Variants in KCNIP1 observed in about 807,000 individuals in gnomAD.
KCNIP1 encodes the protein A-type potassium channel modulatory protein KCNIP1.
In KCNIP1, 18 loss-of-function variants were observed where a neutral mutation model predicts 33.0. The observed-to-expected ratio is 0.55, with a 90% CI of 0.38 to 0.81. The LOEUF is 0.81. Among genes scored for constraint, KCNIP1 ranks in the 30% least tolerant of loss-of-function variants. The probability of loss-of-function intolerance (pLI) is 0.00; values close to 1 mark genes in which losing one functional copy is unlikely to be tolerated. For synonymous variants in KCNIP1, 93 were observed against 98.3 expected, an observed-to-expected ratio of 0.95 and a Z score of 0.32; for missense variants, 238 against 271.6, an observed-to-expected ratio of 0.88 and a Z score of 0.87.
At chr5:170,486,990 T>C (rs1274102485) in intron 1 of KCNIP1, among the ~76,000 whole-genome samples, 3 of 152,224 alleles carry the variant, frequency 2.0e-5, no homozygotes, top group Non-Finnish European at 1.5e-5. Flanking sequence ...AGGATGTGTG[T>C]GTATATATAT....
In KCNIP1 at chr5:170,504,541, G is replaced by A. The variant is rs778585848; in HGVS notation, c.-32G>A. 1.9e-6 allele frequency: 3 copies of A among 1,612,072 alleles called. No homozygotes were observed. The Admixed American group carries it at 5.0e-5, about 27-fold the overall frequency. ...CAGGGTAGGGGAGGGGCCGGGCCCGGGGTCCCAACTCGCACTCAAGTCTTC... is the reference window on the plus strand; with the variant it reads ...CAGGGTAGGGGAGGGGCCGGGCCCGAGGTCCCAACTCGCACTCAAGTCTTC... On this transcript the variant is annotated 5_prime_UTR_variant, in exon 1 of 8. Coordinates refer to ENST00000328939, the MANE Select transcript of KCNIP1 (RefSeq NM_014592.4). The surrounding 1 kb of genome is among the most constrained non-coding windows in gnomAD (Gnocchi z 6.0).
At chr5:170,379,893 A>T (rs1191117815) in intron 1 of KCNIP1, among the ~76,000 whole-genome samples, 1 of 152,014 alleles carries the variant, frequency 6.6e-6, no homozygotes, top group Non-Finnish European at 1.5e-5. Flanking sequence ...TGGAGGCTGC[A>T]GTGAGCTATG....
chr5:170,471,112 C>T (rs1756713398), intron 1 of KCNIP1, among the ~76,000 whole-genome samples: 1 of 152,202 alleles, frequency 6.6e-6, no homozygotes. Flanking sequence ...TCAAGGCTTG[C>T]TACGTGCCTG....
At chr5:170,501,970 G>A (rs975058652), upstream of KCNIP1, among the ~76,000 whole-genome samples, 7 of 152,212 alleles carry the variant, frequency 4.6e-5, no homozygotes, top group African/African-American at 1.7e-4. Context: ...TGGCAGTTAG[G>A]AGAGCAGAGG....
At chr5:170,567,524 TG>T (rs1455172884) in intron 1 of KCNIP1, among the ~76,000 whole-genome samples, 1 of 151,658 alleles carries the variant, frequency 6.6e-6, no homozygotes, top group Non-Finnish European at 1.5e-5. Context: ...AGTCCAGAGG[TG>T]GAAAAAAGCT....
intron 1 of KCNIP1, among the ~76,000 whole-genome samples, chr5:170,487,114 A>G (rs114870325): frequency 0.01 from 1,587 of 152,280 alleles, 27 homozygotes; most frequent in African/African-American, 0.036. Context: ...GGGGCTGGCA[A>G]ATTCAAAATC....
intron 1 of KCNIP1, among the ~76,000 whole-genome samples, chr5:170,595,185 T>TGGG (rs1758401630): frequency 6.6e-6 from 1 of 151,422 alleles, no homozygotes; most frequent in Admixed American, 6.6e-5. Context: ...GGTTGGGGAC[T>TGGG]GGGGGTGAGG....
chr5:170,406,396 G>T (rs1327289744), intron 1 of KCNIP1, among the ~76,000 whole-genome samples: 3 of 152,196 alleles, frequency 2.0e-5, no homozygotes, highest in Admixed American at 6.5e-5. Context: ...CCCATTATTG[G>T]TCGTGTAAAT....
chr5:170,470,293 C>T (rs756699508), intron 1 of KCNIP1, among the ~76,000 whole-genome samples: 10 of 152,104 alleles, frequency 6.6e-5, no homozygotes, highest in Admixed American at 6.5e-5. Flanking sequence ...CCCACATTAG[C>T]CACTCTGGGC....
chr5:170,386,168 G>C (rs1312256505), intron 1 of KCNIP1, among the ~76,000 whole-genome samples: 1 of 152,054 alleles, frequency 6.6e-6, no homozygotes, highest in African/African-American at 2.4e-5. Flanking sequence ...TCTTGAAATG[G>C]GGAGACAATA....
chr5:170,646,122 G>A (rs1156259305), intron 1 of KCNIP1, among the ~76,000 whole-genome samples: 1 of 152,158 alleles, frequency 6.6e-6, no homozygotes, highest in Non-Finnish European at 1.5e-5. Context: ...GAAACAGAAA[G>A]CACCAGGCTC....
chr5:170,415,715 C>T (rs1755310462), intron 1 of KCNIP1, among the ~76,000 whole-genome samples: 1 of 152,220 alleles, frequency 6.6e-6, no homozygotes, highest in East Asian at 1.9e-4. Context: ...CCCCTCTCCC[C>T]TGGGCTATGA....
Position 170,606,182 on chromosome 5 carries a change from T to C in KCNIP1, c.61+101549T>C, listed in dbSNP as rs77035053. ...TTTGGATTGTCTCACATTTTGACCATTGTGAATCATGCTGCTATAAATATT... is the reference window on the plus strand; with the variant it reads ...TTTGGATTGTCTCACATTTTGACCACTGTGAATCATGCTGCTATAAATATT... On this transcript the variant is annotated intron_variant, in intron 1 of 7. Coordinates refer to ENST00000328939, the MANE Select transcript of KCNIP1 (RefSeq NM_014592.4). 1.1e-3 allele frequency among the ~76,000 whole-genome samples: 168 copies of C among 152,340 alleles called. 3 individuals are homozygous for C. The East Asian group carries it at 0.02, about 19-fold the overall frequency.
At chr5:170,433,109 A>C (rs1183834813) in intron 1 of KCNIP1, among the ~76,000 whole-genome samples, 2 of 152,228 alleles carry the variant, frequency 1.3e-5, no homozygotes, top group Non-Finnish European at 2.9e-5. Flanking sequence ...ACACAAAGAA[A>C]GTATCGTGAC....
intron 1 of KCNIP1, among the ~76,000 whole-genome samples, chr5:170,493,157 T>C (rs1328742717): frequency 6.6e-6 from 1 of 152,108 alleles, no homozygotes; most frequent in Non-Finnish European, 1.5e-5. Context: ...GGTAGAAAGT[T>C]TTGTTTACTA....
chr5:170,714,098 A>T (rs1165323483), intron 1 of KCNIP1, among the ~76,000 whole-genome samples: 1 of 151,992 alleles, frequency 6.6e-6, no homozygotes, highest in Non-Finnish European at 1.5e-5. Flanking sequence ...ACTATTGGCC[A>T]GTCCAGGGAG....
At chr5:170,438,986 G>A (rs181963400) in intron 1 of KCNIP1, among the ~76,000 whole-genome samples, 1 of 152,278 alleles carries the variant, frequency 6.6e-6, no homozygotes, top group African/African-American at 2.4e-5. Flanking sequence ...CCTGGCTTCT[G>A]TGTGTTTTTG....
At chr5:170,380,502 C>A (rs1764196993) in intron 1 of KCNIP1, among the ~76,000 whole-genome samples, 1 of 152,252 alleles carries the variant, frequency 6.6e-6, no homozygotes, top group Admixed American at 6.5e-5. Context: ...AAGCTGCCTG[C>A]CCTGAGGGCA....
chr5:170,411,927 A>G (rs751267825), intron 1 of KCNIP1, among the ~76,000 whole-genome samples: 13 of 152,070 alleles, frequency 8.5e-5, no homozygotes, highest in Non-Finnish European at 1.9e-4. Context: ...GTAGATGGAG[A>G]GAGAGAGGTT....
Sources: gnomAD v4.1 joint callset for allele counts (sites outside exome capture counted in the v4.1 genomes callset) on GRCh38, gnomAD v4.1.1 for gene constraint, Gnocchi (gnomAD v3.1) non-coding constraint, MANE v1.5 for transcripts, NCBI Gene and HGNC (gene_info 2026-07-23, HGNC 2026-07-21) for gene names.